DZIP1: variants seen among roughly 807,000 people sequenced by gnomAD.
The protein encoded by DZIP1 is DAZ interacting zinc finger protein 1, also known as cilium assembly protein DZIP1.
DZIP1 carries 97 observed loss-of-function variants against 107.6 expected under a neutral mutation model. The observed-to-expected ratio is 0.90, with a 90% CI of 0.77 to 1.07. DZIP1 has a LOEUF of 1.07. DZIP1 is among the 50% of genes least tolerant of loss of function. The pLI is 0.00. For synonymous variants in DZIP1, 390 were observed against 386.4 expected, an observed-to-expected ratio of 1.01 and a Z score of -0.11; for missense variants, 1,035 against 1,063.6, an observed-to-expected ratio of 0.97 and a Z score of 0.37.
rs368424990 is a variant in DZIP1 at position 95,584,842 on chromosome 13, T to C, written c.2418A>G (p.Lys806=). The change falls in exon 22 of 23, where the codon AAA becomes AAG. Residue 806 remains lysine, a synonymous_variant. Transcript: ENST00000376829. ...GAGGTTCCTTCTGTTCTTTCCCAGA[T>C]TTTTTTCCCAAAGATATCTCTTCCT... The part of the protein sequence containing the change: ...SLEEEISLGK[K]SGKEQKEPPP... The C allele has an allele frequency of 3.3e-5, 53 of 1,613,838 alleles. No individual in the cohort carries two copies. Among genetic ancestry groups the C allele is most frequent in the Non-Finnish European group, 4.3e-5 (51 of 1,179,944 alleles).
In DZIP1 at chr13:95,582,330, G is replaced by C. The variant is rs117004442; in HGVS notation, c.2525-17C>G. On this transcript the variant is annotated splice_polypyrimidine_tract_variant and intron_variant, in intron 22 of 22. Transcript: ENST00000376829. ...CTTGAAGTCCTGTAAGTGGTGGGTA[G>C]AGGCAGAAGAGAAGGCCTCAATGGT... The C allele has an allele frequency of 0.011, 17,110 of 1,609,440 alleles. 143 individuals carry two copies. Among genetic ancestry groups the C allele is most frequent in the Middle Eastern group, 0.026 (155 of 6,060 alleles).
intron 15 of DZIP1, among the ~76,000 whole-genome samples, chr13:95,597,707 C>T (rs568710436): frequency 8.5e-5 from 13 of 152,084 alleles, no homozygotes; most frequent in African/African-American, 2.9e-4. Flanking sequence ...GTAGACCATG[C>T]GCCCAGGGTT....
intron 10 of DZIP1, among the ~76,000 whole-genome samples, chr13:95,615,942 T>C (rs2139178774): frequency 6.6e-6 from 1 of 152,328 alleles, no homozygotes; most frequent in South Asian, 2.1e-4. Flanking sequence ...AAACCAAAGT[T>C]GTGCTGGTTA....
Position 95,622,365 on chromosome 13 carries a change from A to T in DZIP1, c.1088T>A (p.Val363Asp), listed in dbSNP as rs769600078. 1.2e-6 allele frequency: 2 copies of T among 1,614,216 alleles called. No individual in the cohort carries two copies. Among genetic ancestry groups the T allele is most frequent in the Non-Finnish European group, 1.7e-6 (2 of 1,180,026 alleles). ...RSPYPQDFHN[V>D]MQLLDSQESK... ...TACCTGACTATCAAGAAGCTGCATG[A>T]CATTATGGAAATCCTGGGGATATGG... The change falls in exon 9 of 23, where the codon GTC (valine) becomes GAC (aspartate). Residue 363 changes from valine to aspartate, a missense_variant. Transcript: ENST00000376829.
At chr13:95,610,626 A>C (rs147136874) in intron 12 of DZIP1, among the ~76,000 whole-genome samples, 2 of 152,252 alleles carry the variant, frequency 1.3e-5, no homozygotes, top group Non-Finnish European at 2.9e-5. Context: ...GCTTAATATC[A>C]ATAATAATGG....
chr13:95,596,931 G>A (rs1566372295), intron 15 of DZIP1, among the ~76,000 whole-genome samples: 1 of 152,224 alleles, frequency 6.6e-6, no homozygotes, highest in South Asian at 2.1e-4. Flanking sequence ...CAGAGGTGCT[G>A]GAAGGAGGCA....
chr13:95,626,323 A>C (rs998926891), intron 7 of DZIP1, among the ~76,000 whole-genome samples: 1 of 152,188 alleles, frequency 6.6e-6, no homozygotes, highest in Admixed American at 6.5e-5. Flanking sequence ...AGATCAACAA[A>C]ACTGACAAAC....
intron 15 of DZIP1, among the ~76,000 whole-genome samples, chr13:95,597,685 A>G (rs1345922255): frequency 1.3e-5 from 2 of 152,198 alleles, no homozygotes; most frequent in Non-Finnish European, 2.9e-5. Flanking sequence ...CAGCCCTGCT[A>G]AATGTTGCTA....
At chr13:95,614,698 C>A (rs182148520) in intron 10 of DZIP1, among the ~76,000 whole-genome samples, 180 of 152,182 alleles carry the variant, frequency 1.2e-3, no homozygotes, top group Middle Eastern at 0.01. Flanking sequence ...CCCTACTGGC[C>A]CACATCACCC....
chr13:95,610,055 A>AGTGTGTGTGTGTGTGTGT (rs58398816), intron 12 of DZIP1, among the ~76,000 whole-genome samples: 2 of 109,360 alleles, frequency 1.8e-5, no homozygotes, highest in East Asian at 2.6e-4. Context: ...TGACTGGTTT[A>AGTGTGTGTGTGTGTGTGT]GTGTGTGTGT....
intron 14 of DZIP1, 86 bp from the exon 15 acceptor site, chr13:95,599,510 C>A (rs2044552183): frequency 1.6e-6 from 2 of 1,214,656 alleles, no homozygotes; most frequent in Non-Finnish European, 2.4e-6. Context: ...TGAAAGATAT[C>A]ATTCCATGGT....
chr13:95,636,337 G>C (rs1330513654), intron 5 of DZIP1, among the ~76,000 whole-genome samples: 1 of 152,114 alleles, frequency 6.6e-6, no homozygotes, highest in Non-Finnish European at 1.5e-5. Context: ...GAGGTCAGGA[G>C]TTTGAGACCA....
At chr13:95,586,519 C>A (rs981502635) in intron 20 of DZIP1, among the ~76,000 whole-genome samples, 2 of 151,940 alleles carry the variant, frequency 1.3e-5, no homozygotes, top group Admixed American at 1.3e-4. Flanking sequence ...CATTTTAAAT[C>A]AAAGAAAGAG....
Position 95,595,343 on chromosome 13 carries a change from T to G in DZIP1, c.1538-1257A>C, listed in dbSNP as rs551638363. Among the ~76,000 whole-genome samples the G allele has an allele frequency of 7.4e-5, 11 of 148,398 alleles. No homozygotes were observed. In the East Asian group the frequency reaches 2.0e-3, roughly 26 times the overall value. ...ATAGATGGTTTTATTGAAAGCAAAATTAGTCAAATTACTTTTGTGTACATT... is the reference window on the plus strand; with the variant it reads ...ATAGATGGTTTTATTGAAAGCAAAAGTAGTCAAATTACTTTTGTGTACATT... On this transcript the variant is annotated intron_variant, in intron 15 of 22. Transcript: ENST00000376829.
chr13:95,621,737 G>A (rs992351560), intron 9 of DZIP1, among the ~76,000 whole-genome samples: 1 of 143,906 alleles, frequency 6.9e-6, no homozygotes, highest in Non-Finnish European at 1.5e-5. Context: ...TATTTTTTGA[G>A]ACTGAGTATC....
chr13:95,637,434 G>C (rs182384527), intron 5 of DZIP1, among the ~76,000 whole-genome samples: 1 of 152,022 alleles, frequency 6.6e-6, no homozygotes. Flanking sequence ...ATCATAAGGC[G>C]GGGGGCCTAA....
At chr13:95,623,297 C>T (rs7338545) in intron 8 of DZIP1, among the ~76,000 whole-genome samples, 119,329 of 152,032 alleles carry the variant, frequency 0.78, 48,611 homozygotes, top group Non-Finnish European at 0.9. Flanking sequence ...TATGGGGGAG[C>T]GCACGTCTCC....
At chr13:95,637,433 C>T (rs189774109) in intron 5 of DZIP1, among the ~76,000 whole-genome samples, 5 of 152,052 alleles carry the variant, frequency 3.3e-5, no homozygotes, top group South Asian at 2.1e-4. Flanking sequence ...GATCATAAGG[C>T]GGGGGGCCTA....
At chr13:95,594,525 C>T (rs1162210744) in intron 15 of DZIP1, among the ~76,000 whole-genome samples, 1 of 152,112 alleles carries the variant, frequency 6.6e-6, no homozygotes, top group East Asian at 1.9e-4. Context: ...TTTGGCCAGG[C>T]TCAGTGGCTC....
Sources: allele counts gnomAD v4.1 joint callset (sites outside exome capture counted in the v4.1 genomes callset), GRCh38; gene constraint gnomAD v4.1.1; transcripts MANE v1.5; gene names NCBI Gene and HGNC (gene_info 2026-07-23, HGNC 2026-07-21).